TAF2: variants seen among roughly 807,000 people sequenced by gnomAD.
TAF2 encodes the protein transcription initiation factor TFIID subunit 2.
TAF2 carries 61 observed loss-of-function variants against 138.5 expected under a neutral mutation model. That is an observed-to-expected ratio of 0.44 (90% CI 0.36 to 0.54). TAF2 has a LOEUF of 0.54. Ranked by LOEUF, TAF2 falls within the 20% of genes least tolerant of loss-of-function variation. The probability of loss-of-function intolerance (pLI) is 0.00; values close to 1 mark genes in which losing one functional copy is unlikely to be tolerated. For missense variants in TAF2, 1,090 were observed against 1,427.9 expected (o/e 0.76, Z 3.81); for synonymous variants, 475 against 469.9 (o/e 1.01, Z -0.14).
At chr8:119,750,265 T>C (rs1820258221) in intron 22 of TAF2, among the ~76,000 whole-genome samples, 1 of 152,040 alleles carries the variant, frequency 6.6e-6, no homozygotes, top group Non-Finnish European at 1.5e-5. Flanking sequence ...GGCATGAACC[T>C]GGGAAGCGGA....
At chr8:119,762,732 C>A in intron 18 of TAF2, 124 bp from the exon 19 acceptor site, 1 of 794,290 alleles carries the variant, frequency 1.3e-6, no homozygotes. Flanking sequence ...CAAGCAAGTC[C>A]TCTGGTAAAC....
At chr8:119,818,260 T>C (rs576242600) in intron 3 of TAF2, among the ~76,000 whole-genome samples, 6 of 152,334 alleles carry the variant, frequency 3.9e-5, no homozygotes, top group Admixed American at 6.5e-5. Context: ...GGGGTATTGA[T>C]TGAGAACTGG....
At chr8:119,829,405 T>C (rs568717860) in intron 2 of TAF2, among the ~76,000 whole-genome samples, 2 of 152,256 alleles carry the variant, frequency 1.3e-5, no homozygotes, top group East Asian at 3.9e-4. Flanking sequence ...CCCGTTGTTG[T>C]TTCAGGCCTA....
chr8:119,770,306 C>T (rs1164815876), intron 18 of TAF2, among the ~76,000 whole-genome samples: 1 of 151,918 alleles, frequency 6.6e-6, no homozygotes, highest in African/African-American at 2.4e-5. Context: ...ATATAGTGGC[C>T]AGACCACCCA....
chr8:119,797,875 T>C (rs751146161), intron 6 of TAF2, 29 bp from the exon 7 acceptor site: 1 of 1,607,988 alleles, frequency 6.2e-7, no homozygotes, highest in Non-Finnish European at 8.5e-7. Context: ...GAAGATCATC[T>C]AAATGAAAGA....
At chr8:119,828,051 T>TA (rs1248916146) in intron 2 of TAF2, among the ~76,000 whole-genome samples, 1 of 152,090 alleles carries the variant, frequency 6.6e-6, no homozygotes, top group Non-Finnish European at 1.5e-5. Context: ...CCAATTCTTG[T>TA]ATTTTTAGTA....
chr8:119,800,928 T>C lies in TAF2; in HGVS notation c.792+866A>G, dbSNP rs570910018. 1.6e-4 allele frequency among the ~76,000 whole-genome samples: 24 copies of C among 152,340 alleles called. No homozygotes were observed. In the East Asian group the frequency reaches 4.4e-3, roughly 28 times the overall value. On this transcript the variant is annotated intron_variant, in intron 6 of 25. Transcript: ENST00000378164. ...AGTTAACAACTAATAAATCATTTTC[T>C]AATCAGCAGAAGTCTCATGCTTGGG...
At chr8:119,775,563 C>T (rs1175540051) in intron 18 of TAF2, among the ~76,000 whole-genome samples, 3 of 151,322 alleles carry the variant, frequency 2.0e-5, no homozygotes, top group African/African-American at 7.3e-5. Context: ...ATTAGCTGGG[C>T]GTGGGGGTAT....
At chr8:119,828,311 C>T (rs1471918801) in intron 2 of TAF2, among the ~76,000 whole-genome samples, 1 of 152,180 alleles carries the variant, frequency 6.6e-6, no homozygotes, top group Non-Finnish European at 1.5e-5. Flanking sequence ...GAGGCTGCCC[C>T]TTGACCACCT....
At chr8:119,766,542 C>A (rs1486760113) in intron 18 of TAF2, among the ~76,000 whole-genome samples, 3 of 152,178 alleles carry the variant, frequency 2.0e-5, no homozygotes, top group Admixed American at 1.3e-4. Flanking sequence ...GTAATCCCAG[C>A]ACTTTGGGAG....
intron 20 of TAF2, among the ~76,000 whole-genome samples, chr8:119,759,688 T>C (rs1459296228): frequency 2.0e-5 from 3 of 152,176 alleles, no homozygotes; most frequent in East Asian, 1.9e-4. Flanking sequence ...TTCACCAGTC[T>C]TGAGTTATTA....
intron 24 of TAF2, among the ~76,000 whole-genome samples, chr8:119,743,909 A>T (rs1819772065): frequency 6.6e-6 from 1 of 152,170 alleles, no homozygotes; most frequent in Admixed American, 6.5e-5. Context: ...ATATTATATG[A>T]GATAGGCAGG....
intron 25 of TAF2, among the ~76,000 whole-genome samples, chr8:119,733,423 G>A (rs13262434): frequency 8.6e-5 from 13 of 151,978 alleles, no homozygotes; most frequent in African/African-American, 3.1e-4. Context: ...CCATACTCTA[G>A]ACTAGGTTGT....
intron 14 of TAF2, among the ~76,000 whole-genome samples, chr8:119,786,329 T>A (rs1214994039): frequency 1.3e-5 from 2 of 152,190 alleles, no homozygotes; most frequent in Non-Finnish European, 2.9e-5. Flanking sequence ...CATGACATAT[T>A]CAGTTCTTTC....
At chr8:119,734,180 C>A (rs1036687456) in intron 25 of TAF2, among the ~76,000 whole-genome samples, 1 of 152,088 alleles carries the variant, frequency 6.6e-6, no homozygotes, top group African/African-American at 2.4e-5. Context: ...AACAAAGCTG[C>A]TTTTTATCTG....
At chr8:119,737,744 A>T (rs1819324135) in intron 25 of TAF2, among the ~76,000 whole-genome samples, 1 of 151,882 alleles carries the variant, frequency 6.6e-6, no homozygotes, top group South Asian at 2.1e-4. Flanking sequence ...CCTGACCTCA[A>T]ATGATCCCCC....
rs760176798 is a variant in TAF2, at chr8:119,783,391, C to G, written c.2102G>C (p.Cys701Ser). ...TGTATATAATCTCACCTTTGCAAGA[C>G]AGAAGCAAGCTGACATTCTTACTCT... ...FYRVRMSACFCLAKIANSMVS... is the reference protein window; with the variant it reads ...FYRVRMSACFSLAKIANSMVS... Residue 701 changes from cysteine to serine, a missense_variant, in exon 16 of 26, where the codon TGT becomes TCT. Coordinates refer to ENST00000378164, the MANE Select transcript of TAF2 (RefSeq NM_003184.4). The G allele has an allele frequency of 6.1e-5, 98 of 1,614,052 alleles. No individual in the cohort carries two copies. Among genetic ancestry groups the G allele is most frequent in the Non-Finnish European group, 8.2e-5 (97 of 1,180,004 alleles).
chr8:119,791,453 A>C lies in TAF2; in HGVS notation c.1284T>G (p.Ala428=). Residue 428 remains alanine (A), a synonymous_variant, in exon 11 of 26, where the codon GCT becomes GCG. Transcript: ENST00000378164. ...FGGGKEKDNP[A]SHLHFSIKHP... ...GCTTTATTGAAAAGTGTAGATGGGA[A>C]GCCGGACTAAAAAAAATAAACACAT... 1 of 1,612,778 alleles carries C rather than the reference A, an allele frequency of 6.2e-7. No homozygotes were observed. Among genetic ancestry groups the C allele is most frequent in the Non-Finnish European group, 8.5e-7 (1 of 1,179,352 alleles).
At chr8:119,811,818 A>AT (rs1288757478) in intron 3 of TAF2, among the ~76,000 whole-genome samples, 1 of 151,558 alleles carries the variant, frequency 6.6e-6, no homozygotes, top group Admixed American at 6.6e-5. Flanking sequence ...AAAAAAAAAA[A>AT]AAAAAAAAAA....
Sources: allele counts gnomAD v4.1 joint callset (sites outside exome capture counted in the v4.1 genomes callset), GRCh38; gene constraint gnomAD v4.1.1; transcripts MANE v1.5; gene names NCBI Gene and HGNC (gene_info 2026-07-23, HGNC 2026-07-21).